The following KHDRBS2 variants were observed in gnomAD, a reference collection of about 807,000 sequenced individuals.
The protein encoded by KHDRBS2 is KH domain-containing, RNA-binding, signal transduction-associated protein 2.
KHDRBS2 carries 26 observed loss-of-function variants against 44.3 expected under a neutral mutation model. The observed-to-expected ratio is 0.59, with a 90% CI of 0.43 to 0.81. KHDRBS2 has a LOEUF of 0.81. Among genes scored for constraint, KHDRBS2 ranks in the 40% least tolerant of loss-of-function variants. The pLI, the probability that KHDRBS2 is intolerant of heterozygous loss-of-function variation, is 0.00. For missense variants in KHDRBS2, 476 were observed against 433.1 expected (o/e 1.10, Z -0.88); for synonymous variants, 194 against 151.1 (o/e 1.28, Z -2.08).
intron 2 of KHDRBS2, among the ~76,000 whole-genome samples, chr6:62,113,496 T>C (rs1194904120): frequency 6.6e-6 from 1 of 152,140 alleles, no homozygotes; most frequent in African/African-American, 2.4e-5. Flanking sequence ...TATTGCTTTG[T>C]TTTGATCTAA....
chr6:61,545,423 A>G, the KHDRBS2 span, among the ~76,000 whole-genome samples: 2 of 151,926 alleles, frequency 1.3e-5, no homozygotes, highest in African/African-American at 4.8e-5. Context: ...TGTGCTTTTG[A>G]CATAAAATTT....
chr6:62,216,517 G>A (rs1289776718), intron 1 of KHDRBS2, among the ~76,000 whole-genome samples: 3 of 151,500 alleles, frequency 2.0e-5, no homozygotes, highest in Admixed American at 6.6e-5. Context: ...GGCAAAATAA[G>A]ACATCATCAG....
At chr6:61,818,183 A>C (rs1789282939) in intron 6 of KHDRBS2, among the ~76,000 whole-genome samples, 1 of 151,524 alleles carries the variant, frequency 6.6e-6, no homozygotes, top group African/African-American at 2.4e-5. Context: ...TCCATTCAGA[A>C]AGGATATTTT....
chr6:61,955,393 T>A, intron 4 of KHDRBS2, among the ~76,000 whole-genome samples: 1 of 84,130 alleles, frequency 1.2e-5, no homozygotes, highest in Non-Finnish European at 2.3e-5. Flanking sequence ...CATACGTATG[T>A]GTATGTATAC....
At chr6:61,545,266 T>G in the KHDRBS2 span, among the ~76,000 whole-genome samples, 1 of 151,870 alleles carries the variant, frequency 6.6e-6, no homozygotes, top group African/African-American at 2.4e-5. Context: ...GGTAACAAAG[T>G]GAGACCCCAT....
At chr6:61,550,867 G>A in the KHDRBS2 span, among the ~76,000 whole-genome samples, 1 of 148,304 alleles carries the variant, frequency 6.7e-6, no homozygotes, top group Admixed American at 6.9e-5. Flanking sequence ...CCACCTCCTG[G>A]GTTCAAGTGA....
chr6:61,773,043 T>C (rs567275821), intron 6 of KHDRBS2, among the ~76,000 whole-genome samples: 67 of 152,076 alleles, frequency 4.4e-4, no homozygotes, highest in African/African-American at 1.5e-3. Flanking sequence ...TCTATCATTG[T>C]TTGATATTTG....
intron 2 of KHDRBS2, among the ~76,000 whole-genome samples, chr6:62,121,930 G>A (rs1472454109): frequency 6.6e-6 from 1 of 152,112 alleles, no homozygotes; most frequent in Non-Finnish European, 1.5e-5. Context: ...TAAGGCGAAG[G>A]ATAAGTTGCT....
chr6:61,562,674 C>A, the KHDRBS2 span, among the ~76,000 whole-genome samples: 1 of 152,038 alleles, frequency 6.6e-6, no homozygotes, highest in Non-Finnish European at 1.5e-5. Flanking sequence ...GATAGAACCC[C>A]CATCTTCCAA....
chr6:62,085,578 A>G (rs1245317714), intron 2 of KHDRBS2, among the ~76,000 whole-genome samples: 1 of 152,128 alleles, frequency 6.6e-6, no homozygotes, highest in African/African-American at 2.4e-5. Context: ...TAATGTATAA[A>G]TGACGTGTTA....
intron 2 of KHDRBS2, among the ~76,000 whole-genome samples, chr6:62,071,917 T>C (rs1201011101): frequency 1.3e-5 from 2 of 152,186 alleles, no homozygotes; most frequent in Non-Finnish European, 2.9e-5. Flanking sequence ...ATTGAATCTA[T>C]AAATTACCTT....
chr6:61,940,170 A>T (rs1321437801), intron 4 of KHDRBS2, among the ~76,000 whole-genome samples: 1 of 152,114 alleles, frequency 6.6e-6, no homozygotes, highest in East Asian at 1.9e-4. Flanking sequence ...GAACAACAAA[A>T]TGTTTGATAT....
rs532968555 is a variant in KHDRBS2 at position 62,205,295 on chromosome 6, A to G, written c.92-27983T>C. ...AATGTCCATAAAAATGTGGCAGGCTAACTTGTTAGTACACAAGTGAGGCAA... is the reference window on the plus strand; with the variant it reads ...AATGTCCATAAAAATGTGGCAGGCTGACTTGTTAGTACACAAGTGAGGCAA... On this transcript the variant is annotated intron_variant, in intron 1 of 8. Transcript: ENST00000281156. 2.0e-5 allele frequency among the ~76,000 whole-genome samples: 3 copies of G among 152,250 alleles called. No homozygotes were observed. In the South Asian group the frequency reaches 6.2e-4, roughly 32 times the overall value.
At chr6:62,169,113 ATGTGTG>A (rs1207570405) in intron 2 of KHDRBS2, among the ~76,000 whole-genome samples, 1 of 142,234 alleles carries the variant, frequency 7.0e-6, no homozygotes, top group Non-Finnish European at 1.5e-5. Flanking sequence ...ATACACATAT[ATGTGTG>A]TATATATACA....
chr6:62,101,323 A>G (rs1191778280), intron 2 of KHDRBS2, among the ~76,000 whole-genome samples: 4 of 152,108 alleles, frequency 2.6e-5, no homozygotes, highest in Admixed American at 6.6e-5. Flanking sequence ...AACTCAAAGG[A>G]GTTGACTGAG....
At chr6:62,170,072 T>C (rs1359526251) in intron 2 of KHDRBS2, among the ~76,000 whole-genome samples, 1 of 151,922 alleles carries the variant, frequency 6.6e-6, no homozygotes, top group African/African-American at 2.4e-5. Context: ...GCTAGATCTT[T>C]TAGCCCACTG....
chr6:61,566,407 CACAA>C, the KHDRBS2 span, among the ~76,000 whole-genome samples: 11 of 152,274 alleles, frequency 7.2e-5, no homozygotes, highest in East Asian at 1.5e-3. Context: ...ATGTTCCCAA[CACAA>C]ACAAATGATT....
Position 62,064,318 on chromosome 6 carries a change from G to A in KHDRBS2, c.220-16324C>T, listed in dbSNP as rs1454376650. Among the ~76,000 whole-genome samples, 226 of 149,298 alleles carry A rather than the reference G, an allele frequency of 1.5e-3. 2 individuals are homozygous for A. Among genetic ancestry groups the A allele is most frequent in the African/African-American group, 5.2e-3 (210 of 40,626 alleles). ...ATGGAACAAAAAAAGAGCCCACATC[G>A]CCAAGTCAATCCTAAGCCAAAAGAA... On this transcript the variant is annotated intron_variant, in intron 2 of 8. Transcript: ENST00000281156.
intron 3 of KHDRBS2, among the ~76,000 whole-genome samples, chr6:62,002,820 A>G (rs1778503114): frequency 6.6e-6 from 1 of 151,708 alleles, no homozygotes. Flanking sequence ...TAATTTTCTT[A>G]ATTATTTTCA....
Sources: gnomAD v4.1 joint callset for allele counts (sites outside exome capture counted in the v4.1 genomes callset) on GRCh38, gnomAD v4.1.1 for gene constraint, MANE v1.5 for transcripts, NCBI Gene and HGNC (gene_info 2026-07-23, HGNC 2026-07-21) for gene names.